ASCC1: variants seen among roughly 807,000 people sequenced by gnomAD.
ASCC1 encodes ASC-1 complex subunit P50.
Under a neutral mutation model 46.6 loss-of-function variants are expected in ASCC1, and 35 were observed. That is an observed-to-expected ratio of 0.75 (90% confidence interval 0.57 to 0.99). ASCC1 has a LOEUF of 0.99. ASCC1 is among the 50% of genes least tolerant of loss of function. The probability of loss-of-function intolerance (pLI) is 0.00; values close to 1 mark genes in which losing one functional copy is unlikely to be tolerated. For missense variants in ASCC1, 376 were observed against 428.7 expected, an observed-to-expected ratio of 0.88 and a Z score of 1.09; for synonymous variants, 143 against 146.6, an observed-to-expected ratio of 0.98 and a Z score of 0.18.
chr10:72,197,519 T>C (rs1589588242), intron 4 of ASCC1, among the ~76,000 whole-genome samples: 1 of 121,872 alleles, frequency 8.2e-6, no homozygotes. Flanking sequence ...GCTTATAAAG[T>C]AGAAAAATGA....
chr10:72,115,024 TA>T (rs145710729), intron 9 of ASCC1, among the ~76,000 whole-genome samples: 3,848 of 152,240 alleles, frequency 0.025, 191 homozygotes, highest in African/African-American at 0.088. Flanking sequence ...TTTCAATCAT[TA>T]AAAAATGTAA....
chr10:72,131,394 C>T (rs1241473985), intron 8 of ASCC1, among the ~76,000 whole-genome samples: 1 of 151,240 alleles, frequency 6.6e-6, no homozygotes, highest in African/African-American at 2.4e-5. Context: ...ACACTCCGGC[C>T]TGGGCGACAG....
intron 7 of ASCC1, among the ~76,000 whole-genome samples, chr10:72,145,173 A>C (rs758619498): frequency 7.9e-5 from 12 of 152,306 alleles, no homozygotes; most frequent in Non-Finnish European, 1.8e-4. Flanking sequence ...TCAATCCTCC[A>C]TAGGTGGCTT....
intron 7 of ASCC1, among the ~76,000 whole-genome samples, chr10:72,140,601 A>G (rs1055494426): frequency 1.3e-5 from 2 of 152,222 alleles, no homozygotes; most frequent in Non-Finnish European, 2.9e-5. Flanking sequence ...AATGTGATCA[A>G]TTTATGTAAA....
chr10:72,204,455 A>G (rs552777519), intron 3 of ASCC1: 3 of 1,550,410 alleles, frequency 1.9e-6, no homozygotes, highest in South Asian at 1.2e-5. Flanking sequence ...CTGACAATCC[A>G]AAGTTATCTT....
intron 5 of ASCC1, among the ~76,000 whole-genome samples, chr10:72,180,562 G>T: frequency 6.6e-6 from 1 of 152,134 alleles, no homozygotes. Flanking sequence ...GGAGGCGGAG[G>T]TTGCAGTGAG....
chr10:72,118,779 CA>C (rs78949961), intron 9 of ASCC1, among the ~76,000 whole-genome samples: 4,868 of 137,460 alleles, frequency 0.035, 219 homozygotes, highest in African/African-American at 0.1. Flanking sequence ...AACTCCGTCT[CA>C]AAAAAAAAAG....
chr10:72,210,757 A>G lies in ASCC1; in HGVS notation c.187T>C (p.Leu63=), dbSNP rs763996244. 2 of 1,614,090 alleles carry G rather than the reference A, an allele frequency of 1.2e-6. No individual in the cohort carries two copies. The highest frequency in any genetic ancestry group is 1.7e-6 in the Non-Finnish European group (2 of 1,180,004). The change falls in exon 3 of 10, where the codon TTG becomes CTG. Residue 63 remains leucine (L), a synonymous_variant. Transcript: ENST00000672957. Reference sequence around the variant, plus strand: ...TTATAGAGCAAGCTGGGGGCCCTCAAAGTAGACCGGAATCCTTGTGGGGTC... The same window carrying G: ...TTATAGAGCAAGCTGGGGGCCCTCAGAGTAGACCGGAATCCTTGTGGGGTC... ...EQTPQGFRST[L]RAPSLLYKHI...
intron 7 of ASCC1, among the ~76,000 whole-genome samples, chr10:72,136,599 G>C (rs1329852337): frequency 6.6e-6 from 1 of 152,150 alleles, no homozygotes; most frequent in Non-Finnish European, 1.5e-5. Flanking sequence ...CCAAATAAGG[G>C]ATAAAAATAA....
At chr10:72,146,393 G>A (rs1205854838) in intron 7 of ASCC1, among the ~76,000 whole-genome samples, 4 of 152,152 alleles carry the variant, frequency 2.6e-5, no homozygotes, top group African/African-American at 9.7e-5. Context: ...ATAAGTAAAA[G>A]GATTAGTCTC....
At position 72,210,837 on chromosome 10, in the gene ASCC1, C is replaced by T. The variant is rs774983612; in HGVS notation, c.113-6G>A. 6.2e-6 allele frequency: 10 copies of T among 1,613,028 alleles called. No individual in the cohort carries two copies. The highest frequency in any genetic ancestry group is 7.6e-6 in the Non-Finnish European group (9 of 1,179,306). On this transcript the variant is annotated splice_polypyrimidine_tract_variant and splice_region_variant and intron_variant, in intron 2 of 9. Coordinates refer to ENST00000672957, the MANE Select transcript of ASCC1 (RefSeq NM_001198800.3). ...ATCAGCACACTCCATGGAGCCTGCA[C>T]AGAAACCATCACATCTCACTCAGAA...
At chr10:72,123,103 C>T (rs536969793) in intron 9 of ASCC1, among the ~76,000 whole-genome samples, 6 of 151,988 alleles carry the variant, frequency 3.9e-5, no homozygotes, top group South Asian at 2.1e-4. Context: ...TTTGGGAGGC[C>T]GAGGCAGGCA....
chr10:72,131,476 A>ACACACT (rs1455597730), intron 8 of ASCC1, among the ~76,000 whole-genome samples: 3 of 145,952 alleles, frequency 2.1e-5, no homozygotes, highest in Non-Finnish European at 4.6e-5. Flanking sequence ...ACACACACAC[A>ACACACT]CTCAACTGGA....
At chr10:72,137,961 C>T (rs922720977) in intron 7 of ASCC1, among the ~76,000 whole-genome samples, 1 of 152,016 alleles carries the variant, frequency 6.6e-6, no homozygotes, top group Non-Finnish European at 1.5e-5. Flanking sequence ...GCCTCCCAGG[C>T]TCAAGCGATT....
At chr10:72,166,152 T>C (rs1850309582) in intron 5 of ASCC1, among the ~76,000 whole-genome samples, 1 of 152,182 alleles carries the variant, frequency 6.6e-6, no homozygotes, top group Non-Finnish European at 1.5e-5. Flanking sequence ...TTCCTAGTAA[T>C]AGTTGCCCAA....
chr10:72,121,294 C>A (rs947876288), intron 9 of ASCC1, among the ~76,000 whole-genome samples: 1 of 151,864 alleles, frequency 6.6e-6, no homozygotes. Context: ...CAGGCGTGCA[C>A]CACCATGCCC....
At chr10:72,174,538 A>G (rs1190703781) in intron 5 of ASCC1, among the ~76,000 whole-genome samples, 1 of 152,196 alleles carries the variant, frequency 6.6e-6, no homozygotes, top group Non-Finnish European at 1.5e-5. Context: ...TAGACCTGTA[A>G]GCTCACACTC....
chr10:72,169,994 C>G (rs1376070933), intron 5 of ASCC1, among the ~76,000 whole-genome samples: 1 of 152,106 alleles, frequency 6.6e-6, no homozygotes, highest in Non-Finnish European at 1.5e-5. Flanking sequence ...GTATCACGTG[C>G]CTGTAATCCC....
intron 9 of ASCC1, among the ~76,000 whole-genome samples, chr10:72,102,597 C>T (rs1841901570): frequency 6.6e-6 from 1 of 152,116 alleles, no homozygotes; most frequent in South Asian, 2.1e-4. Flanking sequence ...ATGGTATTTA[C>T]CATGTCAACT....
Sources: allele counts gnomAD v4.1 joint callset (sites outside exome capture counted in the v4.1 genomes callset), GRCh38; gene constraint gnomAD v4.1.1; transcripts MANE v1.5; gene names NCBI Gene and HGNC (gene_info 2026-07-23, HGNC 2026-07-21).